CCDC102B: variants seen among roughly 807,000 people sequenced by gnomAD.
The protein encoded by CCDC102B is coiled-coil domain containing 102B.
In CCDC102B, 75 loss-of-function variants were observed where a neutral mutation model predicts 57.4. The observed-to-expected ratio is 1.31, with a 90% CI of 1.08 to 1.58. CCDC102B has a LOEUF of 1.58. Ranked by LOEUF, CCDC102B falls within the 40% of genes most tolerant of loss-of-function variation. The probability of loss-of-function intolerance (pLI) is 0.00; values close to 1 mark genes in which losing one functional copy is unlikely to be tolerated. For synonymous variants in CCDC102B, 206 were observed against 201.9 expected, an observed-to-expected ratio of 1.02 and a Z score of -0.17; for missense variants, 636 against 582.6, an observed-to-expected ratio of 1.09 and a Z score of -0.94.
chr18:68,874,160 G>C (rs1013134371), intron 4 of CCDC102B, among the ~76,000 whole-genome samples: 1 of 114,294 alleles, frequency 8.7e-6, no homozygotes. Context: ...AGCCCAAGCA[G>C]TGTGTGTGTA....
At chr18:68,867,824 C>T (rs1031876599) in intron 4 of CCDC102B, among the ~76,000 whole-genome samples, 3 of 151,704 alleles carry the variant, frequency 2.0e-5, no homozygotes, top group African/African-American at 7.3e-5. Flanking sequence ...GTCCCAGCTA[C>T]TCGACAGGCT....
At chr18:68,995,178 C>T (rs2050989265) in intron 6 of CCDC102B, among the ~76,000 whole-genome samples, 2 of 151,952 alleles carry the variant, frequency 1.3e-5, no homozygotes, top group African/African-American at 4.8e-5. Context: ...AGAGAGATGA[C>T]CTGAAGTTGG....
intron 1 of CCDC102B, among the ~76,000 whole-genome samples, chr18:68,832,598 A>G (rs2037193113): frequency 6.6e-6 from 1 of 152,054 alleles, no homozygotes; most frequent in South Asian, 2.1e-4. Flanking sequence ...GGGATGAGGA[A>G]GGGGTTTTAC....
At chr18:68,973,362 C>A (rs368438959) in intron 6 of CCDC102B, among the ~76,000 whole-genome samples, 1 of 152,016 alleles carries the variant, frequency 6.6e-6, no homozygotes, top group African/African-American at 2.4e-5. Context: ...AATAATAAAT[C>A]AATTTTGTTT....
chr18:68,891,820 CTTTA>C (rs1385399251), intron 5 of CCDC102B, among the ~76,000 whole-genome samples: 1 of 152,232 alleles, frequency 6.6e-6, no homozygotes, highest in East Asian at 1.9e-4. Flanking sequence ...TCCTCTTAAT[CTTTA>C]TTACCTATTT....
downstream of CCDC102B, among the ~76,000 whole-genome samples, chr18:69,056,137 G>A (rs1007779974): frequency 1.3e-5 from 2 of 152,062 alleles, no homozygotes; most frequent in Non-Finnish European, 2.9e-5. Context: ...TAAGTGGACA[G>A]GATTATGAAA....
chr18:68,786,307 C>A (rs1436963412), intron 2 of CCDC102B, among the ~76,000 whole-genome samples: 3 of 150,714 alleles, frequency 2.0e-5, no homozygotes, highest in Non-Finnish European at 1.5e-5. Context: ...CTTGGCAATG[C>A]GGGCTCTTTT....
intron 6 of CCDC102B, among the ~76,000 whole-genome samples, chr18:68,911,962 C>T (rs1437080139): frequency 2.0e-5 from 3 of 151,848 alleles, no homozygotes; most frequent in African/African-American, 7.2e-5. Context: ...ATGAATTTAA[C>T]CAATCCCATT....
chr18:68,906,519 A>T (rs1228722278), intron 6 of CCDC102B, among the ~76,000 whole-genome samples: 3 of 151,476 alleles, frequency 2.0e-5, no homozygotes, highest in East Asian at 1.9e-4. Context: ...TTTGTTTTTT[A>T]TTTTTGAATT....
chr18:68,920,614 T>C (rs986061629), intron 6 of CCDC102B, among the ~76,000 whole-genome samples: 6 of 151,848 alleles, frequency 4.0e-5, no homozygotes, highest in African/African-American at 1.5e-4. Context: ...GACTGGGTAA[T>C]TTATAAAAGA....
intron 6 of CCDC102B, among the ~76,000 whole-genome samples, chr18:68,918,603 T>C (rs2041161412): frequency 6.6e-6 from 1 of 152,180 alleles, no homozygotes; most frequent in Non-Finnish European, 1.5e-5. Context: ...TTACTATTAC[T>C]TGGAATTAAA....
intron 1 of CCDC102B, among the ~76,000 whole-genome samples, chr18:68,799,832 C>A (rs1231564111): frequency 6.6e-6 from 1 of 152,038 alleles, no homozygotes; most frequent in South Asian, 2.1e-4. Flanking sequence ...AAAAAATATA[C>A]CTTTGTGAGT....
intron 2 of CCDC102B, among the ~76,000 whole-genome samples, chr18:68,765,308 GGAAGGAAGGAAGGAAGGAAAGAAAGAAA>G (rs1265526484): frequency 1.1e-3 from 79 of 72,782 alleles, no homozygotes; most frequent in East Asian, 6.4e-3. Flanking sequence ...AAGGAAGGAA[GGAAGGAAGGAAGGAAGGAAAGAAAGAAA>G]GAAAGAAAGA....
At chr18:68,871,374 A>G (rs2039231775) in intron 4 of CCDC102B, among the ~76,000 whole-genome samples, 1 of 151,318 alleles carries the variant, frequency 6.6e-6, no homozygotes, top group African/African-American at 2.4e-5. Flanking sequence ...AATCATTGTT[A>G]GCATCTGTAA....
chr18:68,824,633 TC>T (rs779660670), intron 1 of CCDC102B, among the ~76,000 whole-genome samples: 62 of 152,172 alleles, frequency 4.1e-4, no homozygotes, highest in Non-Finnish European at 7.9e-4. Context: ...TCAATTACAT[TC>T]CTAAAATACA....
intron 6 of CCDC102B, among the ~76,000 whole-genome samples, chr18:69,004,841 A>G (rs1391657741): frequency 6.6e-6 from 1 of 152,190 alleles, no homozygotes; most frequent in Non-Finnish European, 1.5e-5. Context: ...AATGAATGAT[A>G]TTATATCAAC....
At chr18:68,757,506 TAAAA>T (rs534667054) in intron 2 of CCDC102B, among the ~76,000 whole-genome samples, 1 of 152,098 alleles carries the variant, frequency 6.6e-6, no homozygotes, top group Non-Finnish European at 1.5e-5. Context: ...AATTTTCTCT[TAAAA>T]AAACAGGTAA....
intron 6 of CCDC102B, among the ~76,000 whole-genome samples, chr18:68,987,291 G>A (rs578081271): frequency 1.8e-4 from 27 of 152,154 alleles, no homozygotes; most frequent in African/African-American, 2.9e-4. Flanking sequence ...TCTGATCTTC[G>A]ACAAAGCTGA....
At chr18:68,786,034 G>T (rs2035196409) in intron 2 of CCDC102B, among the ~76,000 whole-genome samples, 1 of 151,402 alleles carries the variant, frequency 6.6e-6, no homozygotes, top group African/African-American at 2.4e-5. Context: ...TCCAGTTTCA[G>T]CTTTCTACAT....
Sources: allele counts gnomAD v4.1 joint callset (sites outside exome capture counted in the v4.1 genomes callset), GRCh38; gene constraint gnomAD v4.1.1; transcripts MANE v1.5; gene names NCBI Gene and HGNC (gene_info 2026-07-23, HGNC 2026-07-21).